GLRA1: variants seen among roughly 807,000 people sequenced by gnomAD.
GLRA1 encodes the protein glycine receptor subunit alpha-1.
Under a neutral mutation model 48.3 loss-of-function variants are expected in GLRA1, and 37 were observed. The observed-to-expected ratio is 0.77, with a 90% CI of 0.59 to 1.01. The LOEUF (loss-of-function observed/expected upper bound fraction) is 1.01. GLRA1 is among the 50% of genes least tolerant of loss of function. The probability of loss-of-function intolerance (pLI) is 0.00; values close to 1 mark genes in which losing one functional copy is unlikely to be tolerated. For missense variants in GLRA1, 427 were observed against 571.0 expected (o/e 0.75, Z 2.57); for synonymous variants, 196 against 210.7 (o/e 0.93, Z 0.60).
At chr5:151,849,258 CTT>C (rs1491217746) in intron 7 of GLRA1, among the ~76,000 whole-genome samples, 1 of 102,836 alleles carries the variant, frequency 9.7e-6, no homozygotes, top group African/African-American at 4.1e-5. Flanking sequence ...TCCCTTCTTT[CTT>C]TCTCTCTCTC....
At chr5:151,881,237 C>G (rs973710658) in intron 3 of GLRA1, among the ~76,000 whole-genome samples, 3 of 152,186 alleles carry the variant, frequency 2.0e-5, no homozygotes, top group African/African-American at 4.8e-5. Context: ...TGAGTTTTAG[C>G]TCTTTGTAGA....
chr5:151,850,475 G>A (rs1752870243), intron 7 of GLRA1: 1 of 1,041,846 alleles, frequency 9.6e-7, no homozygotes, highest in African/African-American at 1.6e-5. Flanking sequence ...AGAATGGTCT[G>A]AAGTACACTG....
intron 1 of GLRA1, among the ~76,000 whole-genome samples, chr5:151,905,119 G>A (rs551530961): frequency 6.6e-6 from 1 of 152,246 alleles, no homozygotes; most frequent in Non-Finnish European, 1.5e-5. Context: ...TTTTTCACAA[G>A]CTGGCTGGTT....
At chr5:151,833,869 C>A (rs1401193791) in intron 7 of GLRA1, among the ~76,000 whole-genome samples, 1 of 138,728 alleles carries the variant, frequency 7.2e-6, no homozygotes, top group South Asian at 2.3e-4. Context: ...CAATAAAGAT[C>A]AAAAAAGACA....
chr5:151,885,651 C>T (rs1478033771), intron 3 of GLRA1, among the ~76,000 whole-genome samples: 2 of 152,140 alleles, frequency 1.3e-5, no homozygotes, highest in African/African-American at 4.8e-5. Flanking sequence ...GAGCGAGAGA[C>T]GACCTGGCTG....
intron 8 of GLRA1, among the ~76,000 whole-genome samples, chr5:151,828,132 TAAGTTC>T (rs1763324738): frequency 6.6e-6 from 1 of 152,104 alleles, no homozygotes; most frequent in Admixed American, 6.5e-5. Flanking sequence ...GTTTAGAAAT[TAAGTTC>T]AAGTAGAACG....
chr5:151,881,701 G>A (rs1344005057), intron 3 of GLRA1, among the ~76,000 whole-genome samples: 1 of 152,022 alleles, frequency 6.6e-6, no homozygotes, highest in Admixed American at 6.6e-5. Flanking sequence ...GAGAGTCCCA[G>A]AAAAGGTCAG....
intron 1 of GLRA1, 71 bp downstream of exon 1, chr5:151,924,423 G>A: frequency 1.1e-6 from 1 of 943,126 alleles, no homozygotes; most frequent in Non-Finnish European, 1.8e-6. Flanking sequence ...TGGGACCACG[G>A]ACAGAGGTAG....
At chr5:151,877,528 A>G (rs1046496200) in intron 3 of GLRA1, among the ~76,000 whole-genome samples, 9 of 151,870 alleles carry the variant, frequency 5.9e-5, no homozygotes, top group Admixed American at 2.0e-4. Context: ...CACAACAACA[A>G]CAACAAAAAA....
chr5:151,843,281 G>C (rs1355018891), intron 7 of GLRA1, among the ~76,000 whole-genome samples: 1 of 113,500 alleles, frequency 8.8e-6, no homozygotes, highest in African/African-American at 3.3e-5. Context: ...TTTTTTTTGA[G>C]ATGGAGTCTC....
chr5:151,922,125 G>A (rs1250546481), intron 1 of GLRA1, among the ~76,000 whole-genome samples: 1 of 152,194 alleles, frequency 6.6e-6, no homozygotes, highest in East Asian at 1.9e-4. Context: ...TGAGCAGCTG[G>A]CATCATTTAT....
At chr5:151,835,731 C>A (rs1007479507) in intron 7 of GLRA1, among the ~76,000 whole-genome samples, 1 of 152,178 alleles carries the variant, frequency 6.6e-6, no homozygotes, top group Non-Finnish European at 1.5e-5. Context: ...TCAATAGATG[C>A]AGAAAAGGCC....
intron 1 of GLRA1, among the ~76,000 whole-genome samples, chr5:151,906,723 A>G (rs1754480881): frequency 2.0e-5 from 3 of 152,180 alleles, no homozygotes; most frequent in African/African-American, 4.8e-5. Flanking sequence ...GTATTTGTGT[A>G]TCTATTGTAC....
At chr5:151,915,664 A>ATTGTATATT (rs1754719951) in intron 1 of GLRA1, among the ~76,000 whole-genome samples, 2 of 151,650 alleles carry the variant, frequency 1.3e-5, no homozygotes, top group African/African-American at 4.8e-5. Flanking sequence ...CCATGAAATG[A>ATTGTATATT]TTGTATATTT....
chr5:151,905,570 G>A (rs1337441170), intron 1 of GLRA1, among the ~76,000 whole-genome samples: 1 of 152,078 alleles, frequency 6.6e-6, no homozygotes, highest in Non-Finnish European at 1.5e-5. Flanking sequence ...CTCTGTTCAT[G>A]TCCTAGAAGC....
At chr5:151,857,967 C>G (rs1753093022) in intron 4 of GLRA1, among the ~76,000 whole-genome samples, 1 of 152,188 alleles carries the variant, frequency 6.6e-6, no homozygotes, top group Non-Finnish European at 1.5e-5. Flanking sequence ...ATACATCAGC[C>G]AGGATTCAAA....
chr5:151,883,627 A>T (rs1469378979), intron 3 of GLRA1, among the ~76,000 whole-genome samples: 8 of 152,238 alleles, frequency 5.3e-5, no homozygotes, highest in African/African-American at 1.4e-4. Flanking sequence ...TGTGCTGAAA[A>T]TGATAAATGG....
At chr5:151,849,266 C>T (rs1412292841) in intron 7 of GLRA1, among the ~76,000 whole-genome samples, 2 of 115,824 alleles carry the variant, frequency 1.7e-5, no homozygotes, top group East Asian at 5.3e-4. Context: ...TTCTTTCTCT[C>T]TCTCTCTCTT....
intron 3 of GLRA1, among the ~76,000 whole-genome samples, chr5:151,871,735 T>C (rs199969373): frequency 6.7e-6 from 1 of 149,058 alleles, no homozygotes; most frequent in Admixed American, 6.6e-5. Context: ...TAATTTTTTT[T>C]ATGTATTTTT....
Sources: allele counts gnomAD v4.1 joint callset (sites outside exome capture counted in the v4.1 genomes callset), GRCh38; gene constraint gnomAD v4.1.1; transcripts MANE v1.5; gene names NCBI Gene and HGNC (gene_info 2026-07-23, HGNC 2026-07-21).